The following MTHFD1L variants were observed in gnomAD, a reference collection of about 807,000 sequenced individuals.
MTHFD1L encodes monofunctional C1-tetrahydrofolate synthase, mitochondrial.
In MTHFD1L, 81 loss-of-function variants were observed where a neutral mutation model predicts 119.5. The observed-to-expected ratio is 0.68, with a 90% CI of 0.57 to 0.82. The LOEUF (loss-of-function observed/expected upper bound fraction) is 0.82, where lower values mean the gene tolerates loss of function less well. Among genes scored for constraint, MTHFD1L ranks in the 40% least tolerant of loss-of-function variants. MTHFD1L has a pLI of 0.00. For synonymous variants in MTHFD1L, 430 were observed against 475.2 expected, an observed-to-expected ratio of 0.90 and a Z score of 1.24; for missense variants, 1,125 against 1,253.4, an observed-to-expected ratio of 0.90 and a Z score of 1.55.
At chr6:151,099,783 A>C in intron 27 of MTHFD1L, 1 of 1,607,982 alleles carries the variant, frequency 6.2e-7, no homozygotes, top group Non-Finnish European at 8.5e-7. Flanking sequence ...AGGAGCTGGA[A>C]GTGCTGCTGA....
At chr6:150,979,057 T>G (rs180743862) in intron 20 of MTHFD1L, among the ~76,000 whole-genome samples, 1 of 152,250 alleles carries the variant, frequency 6.6e-6, no homozygotes, top group East Asian at 1.9e-4. Flanking sequence ...CTGACCAACA[T>G]GGTGAAACCC....
At chr6:151,013,357 A>G (rs1782566526) in intron 21 of MTHFD1L, among the ~76,000 whole-genome samples, 1 of 152,188 alleles carries the variant, frequency 6.6e-6, no homozygotes, top group Non-Finnish European at 1.5e-5. Context: ...TCCAGCCTGG[A>G]CAACAGAACT....
At chr6:151,068,014 G>A (rs1301227537) in intron 26 of MTHFD1L, among the ~76,000 whole-genome samples, 5 of 152,200 alleles carry the variant, frequency 3.3e-5, no homozygotes, top group African/African-American at 1.2e-4. Context: ...AGAAGCAAGA[G>A]GACTTGAATA....
At chr6:150,866,421 G>A (rs965110637) in intron 1 of MTHFD1L, 101 of 1,355,472 alleles carry the variant, frequency 7.5e-5, no homozygotes, top group Non-Finnish European at 8.9e-5. Flanking sequence ...CGGAAACCAG[G>A]GGAGGGGGCG....
chr6:150,876,346 G>A (rs145468692), intron 2 of MTHFD1L, among the ~76,000 whole-genome samples, 172 bp downstream of exon 2: 1 of 152,286 alleles, frequency 6.6e-6, no homozygotes, highest in African/African-American at 2.4e-5. Flanking sequence ...GTACTGCCCT[G>A]CTTGAGTGTG....
chr6:151,063,755 A>C (rs572391212), intron 26 of MTHFD1L, among the ~76,000 whole-genome samples: 1 of 152,344 alleles, frequency 6.6e-6, no homozygotes, highest in South Asian at 2.1e-4. Context: ...TGTAAGAATT[A>C]AATAATTAAA....
chr6:151,090,308 T>C (rs1283246889), intron 26 of MTHFD1L, among the ~76,000 whole-genome samples: 1 of 152,198 alleles, frequency 6.6e-6, no homozygotes, highest in Non-Finnish European at 1.5e-5. Context: ...TCCCTTTCCC[T>C]GTGCTGAAGG....
In MTHFD1L at chr6:151,019,869, C is replaced by T. The variant is rs1412766551; in HGVS notation, c.2586+4176C>T. On this transcript the variant is annotated intron_variant, in intron 24 of 27. Coordinates refer to ENST00000367321, the MANE Select transcript of MTHFD1L (RefSeq NM_015440.5). ...AATAGAGCTCAAGCCTTCTTTGCCC[C>T]GGATTTCTTGCATTGATTGGTGCTG... is the stretch of plus-strand genomic sequence containing the variant. Among the ~76,000 whole-genome samples, 7 of 152,096 alleles carry T rather than the reference C, an allele frequency of 4.6e-5. No homozygotes were observed. The South Asian group carries it at 1.2e-3, about 27-fold the overall frequency.
chr6:151,092,440 T>G, intron 26 of MTHFD1L, 27 bp from the exon 27 acceptor site: 1 of 1,583,820 alleles, frequency 6.3e-7, no homozygotes, highest in Non-Finnish European at 8.6e-7. Context: ...CATTTGCTAA[T>G]CTGTAACGCT....
chr6:150,987,295 CCA>C (rs1241772738), intron 20 of MTHFD1L, among the ~76,000 whole-genome samples: 4 of 152,200 alleles, frequency 2.6e-5, no homozygotes, highest in African/African-American at 9.6e-5. Context: ...CTTTCTTGCC[CCA>C]GTTCTCTTGT....
At chr6:151,020,750 T>A (rs1783835564) in intron 24 of MTHFD1L, among the ~76,000 whole-genome samples, 1 of 152,216 alleles carries the variant, frequency 6.6e-6, no homozygotes, top group Non-Finnish European at 1.5e-5. Flanking sequence ...CCCCTCAAGA[T>A]CATCTTCTCT....
chr6:151,016,970 TC>T (rs1783171926), intron 24 of MTHFD1L, among the ~76,000 whole-genome samples: 1 of 151,766 alleles, frequency 6.6e-6, no homozygotes, highest in African/African-American at 2.4e-5. Context: ...AGTCGGGGTT[TC>T]ACCGTGTTGC....
intron 9 of MTHFD1L, 59 bp downstream of exon 9, chr6:150,918,727 A>T: frequency 6.4e-6 from 9 of 1,402,414 alleles, no homozygotes; most frequent in Non-Finnish European, 9.1e-6. Flanking sequence ...AATAGTTGCT[A>T]ACATTTTGCA....
chr6:150,867,893 G>A (rs1317004988), intron 1 of MTHFD1L, among the ~76,000 whole-genome samples: 1 of 150,658 alleles, frequency 6.6e-6, no homozygotes, highest in African/African-American at 2.5e-5. Context: ...TGCCTCCCAG[G>A]TTCAGGCGAT....
At chr6:150,896,539 A>G (rs1784251760) in intron 7 of MTHFD1L, among the ~76,000 whole-genome samples, 1 of 152,194 alleles carries the variant, frequency 6.6e-6, no homozygotes, top group South Asian at 2.1e-4. Flanking sequence ...GGCTGAGGTC[A>G]TCAGTAGCCC....
chr6:151,018,953 A>G (rs1043736523), intron 24 of MTHFD1L, among the ~76,000 whole-genome samples: 1 of 152,246 alleles, frequency 6.6e-6, no homozygotes, highest in South Asian at 2.1e-4. Flanking sequence ...ATTTTGGATG[A>G]GTGAAAAGAA....
chr6:150,955,908 A>G (rs1795569505), intron 16 of MTHFD1L, 87 bp from the exon 17 acceptor site: 12 of 1,179,254 alleles, frequency 1.0e-5, no homozygotes, highest in Middle Eastern at 3.8e-4. Flanking sequence ...ACCCTCTGCA[A>G]CTTCCTGAGC....
chr6:151,075,589 C>T (rs1372390830), intron 26 of MTHFD1L, among the ~76,000 whole-genome samples: 1 of 152,116 alleles, frequency 6.6e-6, no homozygotes, highest in African/African-American at 2.4e-5. Flanking sequence ...GAGTAAAAAT[C>T]AATAAGGATT....
At chr6:150,889,966 G>A (rs576502118) in intron 7 of MTHFD1L, among the ~76,000 whole-genome samples, 5 of 152,120 alleles carry the variant, frequency 3.3e-5, no homozygotes, top group Admixed American at 6.6e-5. Flanking sequence ...AGACCAGCCC[G>A]ACCAACATGG....
Sources: gnomAD v4.1 joint callset for allele counts (sites outside exome capture counted in the v4.1 genomes callset) on GRCh38, gnomAD v4.1.1 for gene constraint, MANE v1.5 for transcripts, NCBI Gene and HGNC (gene_info 2026-07-23, HGNC 2026-07-21) for gene names.